Variants in PRKAR2A observed in about 807,000 individuals in gnomAD.
The protein encoded by PRKAR2A is protein kinase cAMP-dependent type II regulatory subunit alpha.
A neutral mutation model predicts 51.9 loss-of-function variants in PRKAR2A; 29 were observed. The ratio of observed to expected loss-of-function variants is 0.56; its 90% CI spans 0.42 to 0.76. The LOEUF (loss-of-function observed/expected upper bound fraction) is 0.76, where lower values mean the gene tolerates loss of function less well. Among genes scored for constraint, PRKAR2A ranks in the 30% least tolerant of loss-of-function variants. The pLI, the probability that PRKAR2A is intolerant of heterozygous loss-of-function variation, is 0.00. For missense variants in PRKAR2A, 445 were observed against 512.1 expected (o/e 0.87, Z 1.26); for synonymous variants, 178 against 186.2 (o/e 0.96, Z 0.36).
intron 3 of PRKAR2A, 70 bp downstream of exon 3, chr3:48,793,927 T>G (rs2107321241): frequency 2.6e-6 from 3 of 1,165,898 alleles, no homozygotes; most frequent in South Asian, 1.3e-5. Context: ...GATGAGTTTT[T>G]GGTATGTAGA....
intron 1 of PRKAR2A, among the ~76,000 whole-genome samples, chr3:48,846,154 T>A (rs2083458071): frequency 6.6e-6 from 1 of 151,904 alleles, no homozygotes; most frequent in African/African-American, 2.4e-5. Flanking sequence ...TCTGCTGGGA[T>A]CCTTTCCTTT....
At chr3:48,832,645 T>C (rs1274526411) in intron 1 of PRKAR2A, among the ~76,000 whole-genome samples, 2 of 152,074 alleles carry the variant, frequency 1.3e-5, no homozygotes, top group African/African-American at 4.8e-5. Context: ...TGAAAGTACA[T>C]CATCTAAAAT....
chr3:48,816,948 G>A (rs1461501589), intron 1 of PRKAR2A, among the ~76,000 whole-genome samples: 2 of 152,180 alleles, frequency 1.3e-5, no homozygotes, highest in Non-Finnish European at 2.9e-5. Context: ...TTAGGAGGCC[G>A]AGGCAGGAGG....
chr3:48,775,301 G>A (rs555686733), intron 5 of PRKAR2A, among the ~76,000 whole-genome samples: 1 of 151,684 alleles, frequency 6.6e-6, no homozygotes, highest in African/African-American at 2.4e-5. Flanking sequence ...TAGCTGGGCG[G>A]GTAGCGGGTG....
chr3:48,825,387 A>G (rs968296116), intron 1 of PRKAR2A, among the ~76,000 whole-genome samples: 4 of 152,160 alleles, frequency 2.6e-5, no homozygotes, highest in African/African-American at 4.8e-5. Context: ...CACGATCCAC[A>G]TGTCTACTGC....
chr3:48,846,215 T>G (rs900508221), intron 1 of PRKAR2A, among the ~76,000 whole-genome samples: 1 of 84,214 alleles, frequency 1.2e-5, no homozygotes, highest in Non-Finnish European at 2.0e-5. Flanking sequence ...GGTTTTTCCT[T>G]TTTCTTTTTT....
intron 2 of PRKAR2A, among the ~76,000 whole-genome samples, chr3:48,802,564 C>G (rs1339029322): frequency 6.6e-6 from 1 of 152,094 alleles, no homozygotes; most frequent in Non-Finnish European, 1.5e-5. Flanking sequence ...ATTAGCCAGG[C>G]ATGGTGGCGC....
chr3:48,780,264 T>C (rs921866831), intron 5 of PRKAR2A, among the ~76,000 whole-genome samples: 1 of 151,988 alleles, frequency 6.6e-6, no homozygotes, highest in Non-Finnish European at 1.5e-5. Context: ...TCTGAGAAGA[T>C]ATTATTTATG....
At chr3:48,773,982 GT>G (rs2082068741) in intron 5 of PRKAR2A, among the ~76,000 whole-genome samples, 1 of 151,598 alleles carries the variant, frequency 6.6e-6, no homozygotes, top group African/African-American at 2.4e-5. Context: ...CCACAGACGT[GT>G]GCCACCACAC....
chr3:48,827,163 CT>C (rs1158342710), intron 1 of PRKAR2A, among the ~76,000 whole-genome samples: 3 of 151,756 alleles, frequency 2.0e-5, no homozygotes, highest in Admixed American at 6.6e-5. Context: ...CATAGGGCTT[CT>C]TTTTTTTGGG....
At chr3:48,836,884 C>G (rs1375070720) in intron 1 of PRKAR2A, among the ~76,000 whole-genome samples, 3 of 151,996 alleles carry the variant, frequency 2.0e-5, no homozygotes, top group Admixed American at 2.0e-4. Flanking sequence ...GTAATCCCAG[C>G]ACTTTGGGAG....
intron 1 of PRKAR2A, among the ~76,000 whole-genome samples, chr3:48,809,198 C>T (rs906345527): frequency 6.6e-6 from 1 of 152,142 alleles, no homozygotes; most frequent in Non-Finnish European, 1.5e-5. Context: ...GTATAAAGAT[C>T]ACTTTGGCTA....
rs1034945172 is a variant in PRKAR2A at position 48,847,103 on chromosome 3, C to T, written c.262+232G>A. On this transcript the variant is annotated intron_variant, in intron 1 of 10. Transcript: ENST00000265563. This position sits in a 1 kb window ranked among gnomAD's most constrained non-coding sequence, Gnocchi z 4.4. The stretch of plus-strand genomic sequence containing the variant: ...GCGCACGTTTCCTTCAAGGCTGGAT[C>T]TGACAAATCACTCGGTGCGCTCTAG... 6.6e-6 allele frequency among the ~76,000 whole-genome samples: 1 copy of T among 152,238 alleles called. No homozygotes were observed. Among genetic ancestry groups the T allele is most frequent in the African/African-American group, 2.4e-5 (1 of 41,470 alleles).
In PRKAR2A at chr3:48,827,809, GT is replaced by G. The variant is rs531997670; in HGVS notation, c.262+19525del. On this transcript the variant is annotated intron_variant, in intron 1 of 10. Coordinates refer to ENST00000265563, the MANE Select transcript of PRKAR2A (RefSeq NM_004157.4). ...AGGCTACACAATCTATAAAAAATAC[GT>G]TTTTTCTTCAATTATAACCTTAGCT... Among the ~76,000 whole-genome samples the G allele has an allele frequency of 4.3e-4, 66 of 152,118 alleles. 2 individuals are homozygous for G. The South Asian group carries it at 0.013, about 31-fold the overall frequency.
chr3:48,762,139 G>C (rs1035796492), intron 8 of PRKAR2A, among the ~76,000 whole-genome samples: 1 of 152,112 alleles, frequency 6.6e-6, no homozygotes, highest in African/African-American at 2.4e-5. Context: ...GAAAATGAAG[G>C]CCAGGTGCGG....
intron 5 of PRKAR2A, among the ~76,000 whole-genome samples, chr3:48,780,262 G>T (rs2082172820): frequency 6.6e-6 from 1 of 152,000 alleles, no homozygotes; most frequent in South Asian, 2.1e-4. Flanking sequence ...TCTCTGAGAA[G>T]ATATTATTTA....
rs142758310 is a variant in PRKAR2A, at chr3:48,780,460, G to A, written c.542+2526C>T. ...CTACTAAAAATACAAAAAATTAGCC[G>A]GGCATGGTGACGGGCGCCTGTAGTC... On this transcript the variant is annotated intron_variant, in intron 5 of 10. Transcript: ENST00000265563. Among the ~76,000 whole-genome samples the A allele has an allele frequency of 4.1e-3, 619 of 151,666 alleles. 8 individuals carry two copies. Among genetic ancestry groups the A allele is most frequent in the African/African-American group, 0.014 (594 of 41,382 alleles).
chr3:48,804,869 C>T (rs2082649345), intron 2 of PRKAR2A, among the ~76,000 whole-genome samples: 1 of 152,034 alleles, frequency 6.6e-6, no homozygotes, highest in African/African-American at 2.4e-5. Flanking sequence ...ATGACTAAAA[C>T]AAGGAGAAGC....
At chr3:48,745,527 G>GTTTT (rs34668049), downstream of PRKAR2A, among the ~76,000 whole-genome samples, 17 of 70,406 alleles carry the variant, frequency 2.4e-4, no homozygotes, top group Admixed American at 3.9e-4. Flanking sequence ...TTTGGATAAG[G>GTTTT]TTTTTTTTTT....
Sources: allele counts gnomAD v4.1 joint callset (sites outside exome capture counted in the v4.1 genomes callset), GRCh38; gene constraint gnomAD v4.1.1; non-coding constraint Gnocchi (gnomAD v3.1); transcripts MANE v1.5; gene names NCBI Gene and HGNC (gene_info 2026-07-23, HGNC 2026-07-21).